Variants in XRCC4 observed in about 807,000 individuals in gnomAD.
The protein encoded by XRCC4 is X-ray repair cross complementing 4.
In XRCC4, 28 loss-of-function variants were observed where a neutral mutation model predicts 39.1. That is an observed-to-expected ratio of 0.72 (90% CI 0.53 to 0.98). The LOEUF (loss-of-function observed/expected upper bound fraction) is 0.98, where lower values mean the gene tolerates loss of function less well. Among genes scored for constraint, XRCC4 ranks in the 50% least tolerant of loss-of-function variants. The probability of loss-of-function intolerance (pLI) is 0.00; values close to 1 mark genes in which losing one functional copy is unlikely to be tolerated. For missense variants in XRCC4, 350 were observed against 376.4 expected (o/e 0.93, Z 0.58); for synonymous variants, 123 against 126.4 (o/e 0.97, Z 0.18).
intron 7 of XRCC4, among the ~76,000 whole-genome samples, chr5:83,346,259 C>G (rs1561485746): frequency 6.6e-6 from 1 of 152,082 alleles, no homozygotes; most frequent in Admixed American, 6.6e-5. Context: ...ATAACAAATT[C>G]AGATTCAGGA....
At chr5:83,119,518 A>G (rs1360861830) in intron 3 of XRCC4, among the ~76,000 whole-genome samples, 1 of 152,198 alleles carries the variant, frequency 6.6e-6, no homozygotes, top group Non-Finnish European at 1.5e-5. Context: ...AAACAAAAAT[A>G]TCAGTGTTTA....
At chr5:83,234,683 A>G (rs536575471) in intron 6 of XRCC4, among the ~76,000 whole-genome samples, 1 of 152,236 alleles carries the variant, frequency 6.6e-6, no homozygotes, top group Non-Finnish European at 1.5e-5. Context: ...CTTGAGATAG[A>G]ACATTTCTCC....
At chr5:83,142,613 C>T (rs1748237269) in intron 3 of XRCC4, among the ~76,000 whole-genome samples, 1 of 152,148 alleles carries the variant, frequency 6.6e-6, no homozygotes, top group South Asian at 2.1e-4. Context: ...AATTGAACAT[C>T]CACATGGAAT....
intron 3 of XRCC4, among the ~76,000 whole-genome samples, chr5:83,183,053 G>A (rs899274241): frequency 3.9e-5 from 6 of 152,150 alleles, no homozygotes; most frequent in Admixed American, 2.0e-4. Flanking sequence ...ATCTGAATAC[G>A]TATTTATCAT....
Position 83,104,402 on chromosome 5 carries a change from T to G in XRCC4, c.-10-508T>G, listed in dbSNP as rs773776253. The stretch of plus-strand genomic sequence containing the variant: ...TCTCACAAGTTCTTGCAACCATTTC[T>G]TTTGTGGTAGAAAAAAAGCCTATTG... On this transcript the variant is annotated intron_variant, in intron 1 of 7. Transcript: ENST00000396027. 7.8e-4 allele frequency among the ~76,000 whole-genome samples: 119 copies of G among 152,334 alleles called. 1 individual carries two copies. In the Middle Eastern group the frequency reaches 0.024, roughly 30 times the overall value.
chr5:83,314,337 G>C (rs536654613), intron 7 of XRCC4, among the ~76,000 whole-genome samples: 2 of 152,198 alleles, frequency 1.3e-5, no homozygotes, highest in Non-Finnish European at 2.9e-5. Context: ...GGTTGCACAA[G>C]GAAACATTCT....
intron 3 of XRCC4, among the ~76,000 whole-genome samples, chr5:83,188,160 A>T (rs1750536805): frequency 6.6e-6 from 1 of 152,130 alleles, no homozygotes; most frequent in African/African-American, 2.4e-5. Flanking sequence ...CATTGCTAGG[A>T]GTCCTAGCTT....
At chr5:83,161,839 CA>C (rs1749227261) in intron 3 of XRCC4, among the ~76,000 whole-genome samples, 1 of 152,150 alleles carries the variant, frequency 6.6e-6, no homozygotes, top group Admixed American at 6.5e-5. Flanking sequence ...CTGATAGCAG[CA>C]AGTTTTTGGA....
chr5:83,085,867 C>G (rs1013602936), intron 1 of XRCC4, among the ~76,000 whole-genome samples: 1 of 152,160 alleles, frequency 6.6e-6, no homozygotes, highest in African/African-American at 2.4e-5. Flanking sequence ...TATTATAGAT[C>G]ACCACTGTTA....
intron 3 of XRCC4, among the ~76,000 whole-genome samples, chr5:83,167,622 G>T (rs1749542863): frequency 6.6e-6 from 1 of 152,162 alleles, no homozygotes; most frequent in South Asian, 2.1e-4. Flanking sequence ...GGAAATTAGG[G>T]ATGGGTTTGG....
At chr5:83,220,649 A>G (rs926925800) in intron 6 of XRCC4, among the ~76,000 whole-genome samples, 4 of 152,134 alleles carry the variant, frequency 2.6e-5, no homozygotes, top group Non-Finnish European at 4.4e-5. Context: ...GAAAAGCTCA[A>G]TGTGAGACCC....
At chr5:83,110,955 C>A in intron 2 of XRCC4, 73 bp from the exon 3 acceptor site, 1 of 1,378,428 alleles carries the variant, frequency 7.3e-7, no homozygotes, top group Non-Finnish European at 9.8e-7. Flanking sequence ...TTAGTACTAA[C>A]AGATAAACTA....
intron 3 of XRCC4, among the ~76,000 whole-genome samples, chr5:83,158,782 T>C (rs1749074096): frequency 1.3e-5 from 2 of 152,136 alleles, no homozygotes; most frequent in Admixed American, 6.6e-5. Flanking sequence ...AGTTATGAAA[T>C]AGATAGTATG....
intron 3 of XRCC4, among the ~76,000 whole-genome samples, chr5:83,165,807 A>G (rs1438324454): frequency 2.6e-5 from 4 of 152,040 alleles, no homozygotes; most frequent in East Asian, 1.9e-4. Context: ...CCTGCAAAGG[A>G]CATGATCTCA....
chr5:83,372,941 C>A, the XRCC4 span, among the ~76,000 whole-genome samples: 1 of 152,138 alleles, frequency 6.6e-6, no homozygotes, highest in Non-Finnish European at 1.5e-5. Context: ...CTGCAGACTG[C>A]TTGAGTGCTA....
In XRCC4 at chr5:83,125,986, CAAAAAAAAAAA is replaced by C. The variant is rs35711158; in HGVS notation, c.315+14796_315+14806del. Among the ~76,000 whole-genome samples, 10 of 108,456 alleles carry C rather than the reference CAAAAAAAAAAA, an allele frequency of 9.2e-5. No individual in the cohort carries two copies. The South Asian group carries it at 1.9e-3, about 20-fold the overall frequency. The allele number at this position is 108,456 out of a possible 152,430, so 71.2% of individuals were successfully genotyped here. A position where few individuals can be genotyped will look rare whatever the true frequency, so the allele number is the denominator to read the frequency against. ...CAAAAAGAGTGAAACTCCATCTCAT[CAAAAAAAAAAA>C]AAAAAAAAAAAATTGAGTTACGTGA... On this transcript the variant is annotated intron_variant, in intron 3 of 7. Transcript: ENST00000396027.
chr5:83,157,514 A>G (rs1356893466), intron 3 of XRCC4, among the ~76,000 whole-genome samples: 1 of 152,156 alleles, frequency 6.6e-6, no homozygotes, highest in African/African-American at 2.4e-5. Context: ...AACATGAAAC[A>G]GGTTTGAGAA....
chr5:83,113,885 C>A (rs905692568), intron 3 of XRCC4, among the ~76,000 whole-genome samples: 1 of 152,208 alleles, frequency 6.6e-6, no homozygotes, highest in African/African-American at 2.4e-5. Context: ...CTCAGCCCCC[C>A]AAAGTGCTGG....
intron 6 of XRCC4, among the ~76,000 whole-genome samples, chr5:83,252,616 A>G (rs1580427194): frequency 6.6e-6 from 1 of 152,132 alleles, no homozygotes; most frequent in Non-Finnish European, 1.5e-5. Context: ...AAATATGTAC[A>G]TTGATTTATA....
Sources: gnomAD v4.1 joint callset for allele counts (sites outside exome capture counted in the v4.1 genomes callset) on GRCh38, gnomAD v4.1.1 for gene constraint, MANE v1.5 for transcripts, NCBI Gene and HGNC (gene_info 2026-07-23, HGNC 2026-07-21) for gene names.